TTC28: variants seen among roughly 807,000 people sequenced by gnomAD.
TTC28 encodes tetratricopeptide repeat protein 28.
Under a neutral mutation model 198.0 loss-of-function variants are expected in TTC28, and 61 were observed. The observed-to-expected ratio is 0.31, with a 90% CI of 0.25 to 0.38. The LOEUF (loss-of-function observed/expected upper bound fraction) is 0.38, where lower values mean the gene tolerates loss of function less well. Ranked by LOEUF, TTC28 falls within the 10% of genes least tolerant of loss-of-function variation. The probability of loss-of-function intolerance (pLI) is 1.00; values close to 1 mark genes in which losing one functional copy is unlikely to be tolerated. For synonymous variants in TTC28, 1,171 were observed against 1,297.8 expected (o/e 0.90, Z 2.10); for missense variants, 2,678 against 3,164.0 (o/e 0.85, Z 3.69).
chr22:28,129,844 C>G (rs1384999875), intron 6 of TTC28, among the ~76,000 whole-genome samples: 1 of 152,144 alleles, frequency 6.6e-6, no homozygotes, highest in Non-Finnish European at 1.5e-5. Context: ...CACAGGGGAC[C>G]TTGTTAACAT....
chr22:28,302,778 G>A (rs745762726), intron 3 of TTC28, among the ~76,000 whole-genome samples: 2 of 152,056 alleles, frequency 1.3e-5, no homozygotes, highest in Non-Finnish European at 2.9e-5. Context: ...GGGTTCAAGC[G>A]ATTCTCCTGC....
chr22:28,616,404 T>C (rs1426886567), intron 2 of TTC28, among the ~76,000 whole-genome samples: 2 of 152,222 alleles, frequency 1.3e-5, no homozygotes, highest in Non-Finnish European at 1.5e-5. Flanking sequence ...AGCTATTATA[T>C]TTTATTACTA....
intron 11 of TTC28, 50 bp downstream of exon 11, chr22:28,096,140 T>C (rs775138847): frequency 1.4e-4 from 204 of 1,475,176 alleles, no homozygotes; most frequent in Non-Finnish European, 1.6e-4. Flanking sequence ...CATTAGACTT[T>C]CACAGGTCTA....
intron 5 of TTC28, among the ~76,000 whole-genome samples, chr22:28,216,885 C>A (rs556715336): frequency 2.6e-5 from 4 of 152,104 alleles, no homozygotes; most frequent in African/African-American, 9.6e-5. Flanking sequence ...CCATGCTTGG[C>A]AATTTTTTAT....
intron 5 of TTC28, among the ~76,000 whole-genome samples, chr22:28,285,009 A>C (rs571782715): frequency 6.6e-6 from 1 of 152,358 alleles, no homozygotes; most frequent in African/African-American, 2.4e-5. Flanking sequence ...ATCCAAAGCA[A>C]ATGAAATCAA....
intron 2 of TTC28, among the ~76,000 whole-genome samples, chr22:28,400,451 G>A (rs1223493414): frequency 6.6e-6 from 1 of 152,066 alleles, no homozygotes; most frequent in Non-Finnish European, 1.5e-5. Flanking sequence ...TTTAATTCTT[G>A]TTTATATTTG....
intron 2 of TTC28, among the ~76,000 whole-genome samples, chr22:28,537,022 G>C (rs552785557): frequency 6.6e-6 from 1 of 151,728 alleles, no homozygotes. Context: ...GGCCGGGCGC[G>C]GTGGCTCACG....
chr22:28,050,734 T>C (rs1381290365), intron 12 of TTC28, among the ~76,000 whole-genome samples: 1 of 151,892 alleles, frequency 6.6e-6, no homozygotes, highest in East Asian at 1.9e-4. Flanking sequence ...GAGATGAGGG[T>C]TTAGGATAAT....
intron 6 of TTC28, among the ~76,000 whole-genome samples, chr22:28,162,715 G>A (rs963735107): frequency 4.6e-5 from 7 of 152,218 alleles, no homozygotes; most frequent in African/African-American, 9.6e-5. Flanking sequence ...TTGGAAAGCC[G>A]AGGTGGGAGG....
chr22:28,534,131 G>GA (rs1329717564), intron 2 of TTC28, among the ~76,000 whole-genome samples: 1 of 152,156 alleles, frequency 6.6e-6, no homozygotes, highest in Non-Finnish European at 1.5e-5. Context: ...GCAACCTACA[G>GA]AATGGGAGAA....
chr22:28,153,409 A>C (rs1362251112), intron 6 of TTC28, among the ~76,000 whole-genome samples: 6 of 150,754 alleles, frequency 4.0e-5, no homozygotes, highest in African/African-American at 1.2e-4. Context: ...AAAAAAAAAA[A>C]AAAAAAAAAC....
At chr22:28,301,657 T>C (rs1157051991) in intron 3 of TTC28, among the ~76,000 whole-genome samples, 2 of 152,222 alleles carry the variant, frequency 1.3e-5, no homozygotes, top group Non-Finnish European at 1.5e-5. Context: ...GTGTCACTTT[T>C]ATATCTAAAG....
At chr22:28,434,871 G>C (rs79261394) in intron 2 of TTC28, among the ~76,000 whole-genome samples, 2 of 152,068 alleles carry the variant, frequency 1.3e-5, no homozygotes, top group African/African-American at 4.8e-5. Context: ...CAGCTGCTCC[G>C]TAACTCGGGC....
At chr22:28,475,667 G>A (rs1221777177) in intron 2 of TTC28, among the ~76,000 whole-genome samples, 1 of 152,100 alleles carries the variant, frequency 6.6e-6, no homozygotes, top group Non-Finnish European at 1.5e-5. Context: ...CATAAATCTT[G>A]TAATTAAGGC....
chr22:28,591,044 T>G (rs62237652), intron 2 of TTC28, among the ~76,000 whole-genome samples: 3 of 36,446 alleles, frequency 8.2e-5, no homozygotes, highest in African/African-American at 1.4e-4. Context: ...CACACACATA[T>G]ATATATATAT....
intron 2 of TTC28, among the ~76,000 whole-genome samples, chr22:28,564,749 C>T (rs1303068568): frequency 1.3e-5 from 2 of 150,940 alleles, no homozygotes; most frequent in Non-Finnish European, 3.0e-5. Context: ...CCTCTCCCCA[C>T]GTTACACAAC....
At chr22:28,236,127 T>C (rs1246018332) in intron 5 of TTC28, among the ~76,000 whole-genome samples, 1 of 152,112 alleles carries the variant, frequency 6.6e-6, no homozygotes, top group East Asian at 1.9e-4. Context: ...ACAGATCCCC[T>C]CCACACACCA....
At chr22:28,664,727 G>C (rs1365333957) in intron 1 of TTC28, among the ~76,000 whole-genome samples, 1 of 13,930 alleles carries the variant, frequency 7.2e-5, no homozygotes, top group African/African-American at 3.9e-4. Context: ...CACTCTGCAG[G>C]ATATTATCCA....
intron 5 of TTC28, among the ~76,000 whole-genome samples, chr22:28,236,047 C>T (rs1929219540): frequency 2.0e-5 from 3 of 152,196 alleles, no homozygotes. Flanking sequence ...GCTGATCTTG[C>T]TGACCAACAG....
Sources: gnomAD v4.1 joint callset for allele counts (sites outside exome capture counted in the v4.1 genomes callset) on GRCh38, gnomAD v4.1.1 for gene constraint, MANE v1.5 for transcripts, NCBI Gene and HGNC (gene_info 2026-07-23, HGNC 2026-07-21) for gene names.